XPR1: variants seen among roughly 807,000 people sequenced by gnomAD.
The protein encoded by XPR1 is solute carrier family 53 member 1.
A neutral mutation model predicts 87.5 loss-of-function variants in XPR1; 28 were observed. The ratio of observed to expected loss-of-function variants is 0.32; its 90% CI spans 0.24 to 0.44. The LOEUF (loss-of-function observed/expected upper bound fraction) is 0.44. Among genes scored for constraint, XPR1 ranks in the 20% least tolerant of loss-of-function variants. XPR1 has a pLI of 1.00. For synonymous variants in XPR1, 300 were observed against 306.1 expected (o/e 0.98, Z 0.21); for missense variants, 559 against 862.3 (o/e 0.65, Z 4.41).
chr1:180,832,396 A>C (rs1417239048), intron 9 of XPR1, among the ~76,000 whole-genome samples: 1 of 152,206 alleles, frequency 6.6e-6, no homozygotes. Context: ...TAATTTAATT[A>C]GATCCCATTT....
chr1:180,806,422 A>G, intron 5 of XPR1, 52 bp from the exon 6 acceptor site: 6 of 1,577,832 alleles, frequency 3.8e-6, no homozygotes, highest in Non-Finnish European at 5.2e-6. Context: ...TTATTTGTGC[A>G]TCACTCAAGT....
chr1:180,732,881 T>G (rs1307918901), intron 2 of XPR1, among the ~76,000 whole-genome samples: 3 of 152,194 alleles, frequency 2.0e-5, no homozygotes, highest in Non-Finnish European at 4.4e-5. Context: ...AAGGTTTGAT[T>G]GAGTGGAGGT....
At chr1:180,710,393 G>A (rs981296801) in intron 2 of XPR1, among the ~76,000 whole-genome samples, 6 of 151,910 alleles carry the variant, frequency 3.9e-5, no homozygotes, top group Non-Finnish European at 2.9e-5. Context: ...ATTAGGGAGT[G>A]GTGATGACTC....
At chr1:180,664,804 T>C (rs1186969145) in intron 1 of XPR1, among the ~76,000 whole-genome samples, 1 of 152,144 alleles carries the variant, frequency 6.6e-6, no homozygotes, top group Non-Finnish European at 1.5e-5. Flanking sequence ...AGTTTTTTCA[T>C]GGGGTGGAGG....
At chr1:180,770,252 G>C (rs1026566782) in intron 2 of XPR1, among the ~76,000 whole-genome samples, 2 of 152,120 alleles carry the variant, frequency 1.3e-5, no homozygotes, top group East Asian at 1.9e-4. Context: ...ACCATAGATA[G>C]GTTGGCTTAA....
chr1:180,761,921 C>G (rs1295689613), intron 2 of XPR1, among the ~76,000 whole-genome samples: 1 of 152,104 alleles, frequency 6.6e-6, no homozygotes, highest in Non-Finnish European at 1.5e-5. Flanking sequence ...CACAGATACA[C>G]CATGGAATAC....
chr1:180,853,791 G>GTTTTTTTTTTTTTTTTTTTTTT (rs374408714), intron 11 of XPR1, among the ~76,000 whole-genome samples: 19 of 109,380 alleles, frequency 1.7e-4, no homozygotes, highest in South Asian at 6.2e-4. Context: ...CATTCATGTG[G>GTTTTTTTTTTTTTTTTTTTTTT]TTTTTTTTTT....
rs192412292 is a variant in XPR1, at chr1:180,693,114, A to G, written c.121+10703A>G. On this transcript the variant is annotated intron_variant, in intron 2 of 14. Transcript: ENST00000367590. The stretch of plus-strand genomic sequence containing the variant: ...TCTGGGAATTACAAATGTAGACTCT[A>G]CGTTGTAGAGGAAAAGATACCAGCA... Among the ~76,000 whole-genome samples the G allele has an allele frequency of 3.9e-5, 6 of 152,362 alleles. No homozygotes were observed. The East Asian group carries it at 9.6e-4, about 24-fold the overall frequency.
intron 11 of XPR1, among the ~76,000 whole-genome samples, chr1:180,845,807 C>T (rs1188230907): frequency 4.6e-5 from 7 of 152,068 alleles, no homozygotes; most frequent in South Asian, 2.1e-4. Context: ...AATGTGGACT[C>T]GGCCAAAATA....
intron 2 of XPR1, among the ~76,000 whole-genome samples, chr1:180,705,425 G>A (rs1228065565): frequency 1.3e-5 from 2 of 152,140 alleles, no homozygotes; most frequent in Admixed American, 1.3e-4. Context: ...AGGTTGAGAT[G>A]CCTATATTTA....
chr1:180,633,505 C>T (rs1230252012), intron 1 of XPR1, among the ~76,000 whole-genome samples: 1 of 152,110 alleles, frequency 6.6e-6, no homozygotes, highest in Non-Finnish European at 1.5e-5. Flanking sequence ...TTCATATAGC[C>T]ATTGTAATAA....
chr1:180,655,627 T>C (rs1655431381), intron 1 of XPR1, among the ~76,000 whole-genome samples: 1 of 152,150 alleles, frequency 6.6e-6, no homozygotes, highest in African/African-American at 2.4e-5. Flanking sequence ...TTGTCTATTT[T>C]TGTTCTTGTT....
At chr1:180,843,092 G>A (rs796215129) in intron 11 of XPR1, among the ~76,000 whole-genome samples, 19 of 152,240 alleles carry the variant, frequency 1.2e-4, no homozygotes, top group African/African-American at 3.4e-4. Context: ...GGCCTTCAGC[G>A]CCTATCATTG....
intron 2 of XPR1, among the ~76,000 whole-genome samples, chr1:180,695,863 G>A (rs1187714548): frequency 6.6e-6 from 1 of 152,108 alleles, no homozygotes; most frequent in Non-Finnish European, 1.5e-5. Context: ...GTCAGGTAGT[G>A]TGATGCCTTC....
intron 2 of XPR1, among the ~76,000 whole-genome samples, chr1:180,757,905 A>G (rs1056461600): frequency 2.0e-5 from 3 of 148,654 alleles, no homozygotes; most frequent in Admixed American, 6.8e-5. Flanking sequence ...AAGCCTGTAC[A>G]TACCCCTATG....
At chr1:180,689,750 G>A (rs951462950) in intron 2 of XPR1, among the ~76,000 whole-genome samples, 4 of 152,136 alleles carry the variant, frequency 2.6e-5, no homozygotes, top group African/African-American at 2.4e-5. Context: ...TGCGACAAAT[G>A]TACCATATTT....
chr1:180,799,924 C>G (rs146310267), intron 3 of XPR1, among the ~76,000 whole-genome samples: 1 of 152,194 alleles, frequency 6.6e-6, no homozygotes, highest in Admixed American at 6.5e-5. Flanking sequence ...ATCCAACTTG[C>G]GTAAACAAAT....
intron 9 of XPR1, among the ~76,000 whole-genome samples, chr1:180,826,651 G>A (rs1650852681): frequency 6.6e-6 from 1 of 152,128 alleles, no homozygotes; most frequent in Non-Finnish European, 1.5e-5. Context: ...ATAAAGATTA[G>A]TGATTAAATT....
At chr1:180,661,194 A>C (rs80239420) in intron 1 of XPR1, among the ~76,000 whole-genome samples, 1 of 151,688 alleles carries the variant, frequency 6.6e-6, no homozygotes, top group East Asian at 1.9e-4. Context: ...TTCTATTGGC[A>C]TGGAATAATC....
Sources: allele counts gnomAD v4.1 joint callset (sites outside exome capture counted in the v4.1 genomes callset), GRCh38; gene constraint gnomAD v4.1.1; transcripts MANE v1.5; gene names NCBI Gene and HGNC (gene_info 2026-07-23, HGNC 2026-07-21).